Variants in SERPINB3 observed in about 807,000 individuals in gnomAD.
SERPINB3 encodes serpin B3.
A neutral mutation model predicts 33.0 loss-of-function variants in SERPINB3; 33 were observed. The ratio of observed to expected loss-of-function variants is 1.00; its 90% CI spans 0.76 to 1.34. The LOEUF is 1.34. Ranked by LOEUF, SERPINB3 falls within the 40% of genes most tolerant of loss-of-function variation. SERPINB3 has a pLI of 0.00. For synonymous variants in SERPINB3, 200 were observed against 170.9 expected, an observed-to-expected ratio of 1.17 and a Z score of -1.33; for missense variants, 518 against 461.5, an observed-to-expected ratio of 1.12 and a Z score of -1.12.
chr18:63,658,481 A>G, intron 5 of SERPINB3, 32 bp downstream of exon 5: 1 of 1,575,980 alleles, frequency 6.3e-7, no homozygotes, highest in Non-Finnish European at 8.7e-7. Context: ...TAGATTTCTC[A>G]AAGGTGTTTC....
In SERPINB3 at chr18:63,658,586, T is replaced by G; in HGVS notation, c.396A>C (p.Glu132Asp). The change falls in exon 5 of 8, where the codon GAA (glutamate) becomes GAC (aspartate). Residue 132 changes from glutamate to aspartate, a missense_variant. Physicochemically the swap from Glu to Asp is conservative, Grantham distance 45. Coordinates refer to ENST00000283752, the MANE Select transcript of SERPINB3 (RefSeq NM_006919.3). ...AIKKFYQTSV[E>D]SVDFANAPEE... is the part of the protein sequence containing the mutation. ...CTGGAGCATTTGCAAAATCAACAGATTCCACACTGGTCTGGTAAAATTTCT... is the reference window on the plus strand; with the variant it reads ...CTGGAGCATTTGCAAAATCAACAGAGTCCACACTGGTCTGGTAAAATTTCT... 1 of 1,613,168 alleles carries G rather than the reference T, an allele frequency of 6.2e-7. No homozygotes were observed. The highest frequency in any genetic ancestry group is 8.5e-7 in the Non-Finnish European group (1 of 1,179,376).
At chr18:63,658,240 G>C (rs1001149611) in intron 5 of SERPINB3, among the ~76,000 whole-genome samples, 7 of 152,148 alleles carry the variant, frequency 4.6e-5, no homozygotes, top group African/African-American at 1.7e-4. Context: ...CCTGAGTGGA[G>C]ACAAGGGATC....
In SERPINB3 at chr18:63,656,196, T is replaced by C. The variant is rs1318520361; in HGVS notation, c.769-135A>G. 1.7e-5 allele frequency: 18 copies of C among 1,088,150 alleles called. No individual in the cohort carries two copies. In the African/African-American group the frequency reaches 2.2e-4, roughly 14 times the overall value. The allele number at this position is 1,088,150 out of a possible 1,614,324, so 67.4% of individuals were successfully genotyped here. On this transcript the variant is annotated intron_variant, in intron 7 of 7. Transcript: ENST00000283752. ...ACAGAAGGTTCACTTTATTAGATAT[T>C]ATTATTCTAATAGGCAAAATATGAG...
At chr18:63,660,076 T>C (rs1039089124) in intron 3 of SERPINB3, among the ~76,000 whole-genome samples, 3 of 152,078 alleles carry the variant, frequency 2.0e-5, no homozygotes, top group African/African-American at 7.2e-5. Context: ...ATGGGTAACT[T>C]TAAGTCTTTA....
intron 7 of SERPINB3, among the ~76,000 whole-genome samples, 188 bp downstream of exon 7, chr18:63,656,643 C>G (rs1424068668): frequency 6.6e-6 from 1 of 152,192 alleles, no homozygotes; most frequent in African/African-American, 2.4e-5. Flanking sequence ...TAATCATTAA[C>G]TATGCCTTCA....
chr18:63,660,683 T>C (rs1328449778), intron 3 of SERPINB3, 117 bp downstream of exon 3: 11 of 1,309,092 alleles, frequency 8.4e-6, no homozygotes, highest in Non-Finnish European at 1.2e-5. Flanking sequence ...TATGTCTCAA[T>C]CTTTGTGTCC....
chr18:63,656,746 T>A, intron 7 of SERPINB3, 85 bp downstream of exon 7: 1 of 1,444,196 alleles, frequency 6.9e-7, no homozygotes, highest in Non-Finnish European at 9.3e-7. Flanking sequence ...GGCAACTCGG[T>A]CACCAGCTTT....
At chr18:63,659,349 A>T in intron 4 of SERPINB3, 50 bp downstream of exon 4, 1 of 1,592,036 alleles carries the variant, frequency 6.3e-7, no homozygotes. Flanking sequence ...CCACTCAGAG[A>T]CACAGACATC....
intron 7 of SERPINB3, 126 bp from the exon 8 acceptor site, chr18:63,656,187 A>G: frequency 8.8e-7 from 1 of 1,133,754 alleles, no homozygotes; most frequent in South Asian, 1.7e-5. Flanking sequence ...GGTTCACTTT[A>G]TTAGATATTA....
rs1461960673 is a variant in SERPINB3, at chr18:63,655,307, T to C, written c.*350A>G. 1 of 182,750 alleles carries C rather than the reference T, an allele frequency of 5.5e-6. No individual in the cohort carries two copies. The highest frequency in any genetic ancestry group is 5.6e-5 in the Admixed American group (1 of 17,748). The allele number at this position is 182,750 out of a possible 1,614,324, so 11.3% of individuals were successfully genotyped here. A position where few individuals can be genotyped will look rare whatever the true frequency, so the allele number is the denominator to read the frequency against. Reference sequence around the variant, plus strand: ...ATTCAAAGAAATGTGTGTTTCTAGGTTGCTAAATTCAAAGAAAAAGTATGA... The same window carrying C: ...ATTCAAAGAAATGTGTGTTTCTAGGCTGCTAAATTCAAAGAAAAAGTATGA... On this transcript the variant is annotated 3_prime_UTR_variant, in exon 8 of 8. Coordinates refer to ENST00000283752, the MANE Select transcript of SERPINB3 (RefSeq NM_006919.3).
Position 63,655,875 on chromosome 18 carries a change from C to T in SERPINB3, c.955G>A (p.Gly319Arg), listed in dbSNP as rs577262694. 17 of 1,613,852 alleles carry T rather than the reference C, an allele frequency of 1.1e-5. No individual in the cohort carries two copies. The highest frequency in any genetic ancestry group is 6.7e-5 in the African/African-American group (5 of 74,906). ...CCAGATAGCACGAGACCGCGGCTCC[C>T]GGTCATGCCTGAGAGGTCTGCATCC... ...NGDADLSGMT[G>R]SRGLVLSGVL... The change falls in exon 8 of 8, where the codon GGG (glycine) becomes AGG (arginine). Residue 319 changes from glycine (G) to arginine (R), a missense_variant. By Grantham distance (125) the Gly-to-Arg change is moderately radical. Transcript: ENST00000283752.
intron 2 of SERPINB3, 91 bp from the exon 3 acceptor site, chr18:63,660,947 C>T: frequency 2.5e-6 from 4 of 1,610,308 alleles, no homozygotes; most frequent in South Asian, 1.1e-5. Flanking sequence ...CCTGCTCAGC[C>T]CCCTGTGCTA....
Position 63,655,692 on chromosome 18 carries a change from T to C in SERPINB3, c.1138A>G (p.Ser380Gly), listed in dbSNP as rs778873893. The C allele has an allele frequency of 1.2e-6, 2 of 1,613,482 alleles. No individual in the cohort carries two copies. Among genetic ancestry groups the C allele is most frequent in the Non-Finnish European group, 1.7e-6 (2 of 1,179,648 alleles). ...LFFIRQNKTN[S>G]ILFYGRFSSP ...GAGAATCTGCCATAGAAGAGGATGC[T>C]GTTGGTCTTATTTTGCCTTATGAAG... The change falls in exon 8 of 8, where the codon AGC (serine) becomes GGC (glycine). Residue 380 changes from serine (S) to glycine (G), a missense_variant. Coordinates refer to ENST00000283752, the MANE Select transcript of SERPINB3 (RefSeq NM_006919.3).
rs762121749 is a variant in SERPINB3, at chr18:63,657,270, C to G, written c.612G>C (p.Lys204Asn). ...TATATAAATAAAATATAGACAATAC[C>G]TTGTTTGGCCAAAATTTTTCCTCTT... ...DTKEEKFWPN[K>N]NTYKSIQMMR... The change falls in exon 6 of 8, where the codon AAG (lysine) becomes AAC (asparagine). Residue 204 changes from lysine to asparagine, a missense_variant and splice_region_variant. Physicochemically the swap from Lys to Asn is moderately conservative, Grantham distance 94. Coordinates refer to ENST00000283752, the MANE Select transcript of SERPINB3 (RefSeq NM_006919.3). 1 of 1,534,844 alleles carries G rather than the reference C, an allele frequency of 6.5e-7. No homozygotes were observed. Among genetic ancestry groups the G allele is most frequent in the South Asian group, 1.2e-5 (1 of 82,978 alleles).
rs1295442870 is a variant in SERPINB3 at position 63,660,340 on chromosome 18, A to C, written c.222+460T>G. Reference sequence around the variant, plus strand: ...ACTCAATGAAAATTAAATATTTTGCAACATTATTGTGATTAGTATAATTAT... The same window carrying C: ...ACTCAATGAAAATTAAATATTTTGCCACATTATTGTGATTAGTATAATTAT... On this transcript the variant is annotated intron_variant, in intron 3 of 7. Coordinates refer to ENST00000283752, the MANE Select transcript of SERPINB3 (RefSeq NM_006919.3). 7.2e-5 allele frequency among the ~76,000 whole-genome samples: 11 copies of C among 152,282 alleles called. No homozygotes were observed. In the East Asian group the frequency reaches 2.1e-3, roughly 29 times the overall value.
chr18:63,657,303 T>G lies in SERPINB3; in HGVS notation c.579A>C (p.Glu193Asp). Residue 193 changes from glutamate to aspartate, a missense_variant, in exon 6 of 8, where the codon GAA becomes GAC. Transcript: ENST00000283752. ...GCCAAAATTTTTCCTCTTTAGTATCTTCTTTATTAAATTTCTTCTCCCACT... is the reference window on the plus strand; with the variant it reads ...GCCAAAATTTTTCCTCTTTAGTATCGTCTTTATTAAATTTCTTCTCCCACT... The part of the protein sequence containing the change: ...KGQWEKKFNK[E>D]DTKEEKFWPN... 6.2e-7 allele frequency: 1 copy of G among 1,604,112 alleles called. No individual in the cohort carries two copies.
chr18:63,656,259 T>A (rs1173434384), intron 7 of SERPINB3, among the ~76,000 whole-genome samples, 198 bp from the exon 8 acceptor site: 7 of 150,848 alleles, frequency 4.6e-5, no homozygotes, highest in Non-Finnish European at 1.0e-4. Context: ...TATGTGTATG[T>A]GTATAAACAG....
At chr18:63,657,058 C>T in intron 6 of SERPINB3, 72 bp from the exon 7 acceptor site, 1 of 1,303,100 alleles carries the variant, frequency 7.7e-7, no homozygotes, top group Non-Finnish European at 1.1e-6. Context: ...ATTGAGATAT[C>T]AACACATCCT....
chr18:63,659,381 T>C lies in SERPINB3; in HGVS notation c.351+18A>G, dbSNP rs1913581107. 1 of 1,496,364 alleles carries C rather than the reference T, an allele frequency of 6.7e-7. No homozygotes were observed. Among genetic ancestry groups the C allele is most frequent in the Admixed American group, 2.1e-5 (1 of 47,156 alleles). The allele number at this position is 1,496,364 out of a possible 1,614,324, so 92.7% of individuals were successfully genotyped here. On this transcript the variant is annotated intron_variant, in intron 4 of 7. Coordinates refer to ENST00000283752, the MANE Select transcript of SERPINB3 (RefSeq NM_006919.3). ...CATCAGGATGCAAATGAAATGTGGG[T>C]AGGCCAGGTGAAATTACCTGTAAAA...
Sources: allele counts gnomAD v4.1 joint callset (sites outside exome capture counted in the v4.1 genomes callset), GRCh38; gene constraint gnomAD v4.1.1; transcripts MANE v1.5; gene names NCBI Gene and HGNC (gene_info 2026-07-23, HGNC 2026-07-21).